DCC: variants seen among roughly 807,000 people sequenced by gnomAD.
The protein encoded by DCC is DCC netrin 1 receptor.
A neutral mutation model predicts 172.5 loss-of-function variants in DCC; 58 were observed. The ratio of observed to expected loss-of-function variants is 0.34; its 90% CI spans 0.27 to 0.42. The LOEUF is 0.42. Among genes scored for constraint, DCC ranks in the 10% least tolerant of loss-of-function variants. The pLI, the probability that DCC is intolerant of heterozygous loss-of-function variation, is 1.00. For synonymous variants in DCC, 709 were observed against 644.5 expected (o/e 1.10, Z -1.52); for missense variants, 1,740 against 1,791.0 (o/e 0.97, Z 0.51).
chr18:52,407,646 T>C (rs16954883), intron 1 of DCC, among the ~76,000 whole-genome samples: 5,305 of 152,048 alleles, frequency 0.035, 167 homozygotes, highest in African/African-American at 0.078. Flanking sequence ...TTCTTGCATC[T>C]TCTTCCATCT....
chr18:52,876,279 T>C (rs2039401796), intron 2 of DCC, among the ~76,000 whole-genome samples: 1 of 152,232 alleles, frequency 6.6e-6, no homozygotes, highest in South Asian at 2.1e-4. Flanking sequence ...ACACTCTTGG[T>C]AGCTTTTTCC....
At chr18:52,943,567 T>A (rs189907321) in intron 5 of DCC, among the ~76,000 whole-genome samples, 15 of 152,322 alleles carry the variant, frequency 9.8e-5, no homozygotes, top group Non-Finnish European at 1.9e-4. Flanking sequence ...GAAAGCACTT[T>A]CTGCATCATT....
chr18:53,453,946 G>A (rs2045449918), intron 23 of DCC, among the ~76,000 whole-genome samples: 1 of 152,104 alleles, frequency 6.6e-6, no homozygotes, highest in Non-Finnish European at 1.5e-5. Flanking sequence ...TTAAATTACT[G>A]CAGTTCTTTT....
At chr18:53,132,916 T>A (rs1006658105) in intron 7 of DCC, among the ~76,000 whole-genome samples, 2 of 152,170 alleles carry the variant, frequency 1.3e-5, no homozygotes, top group Non-Finnish European at 1.5e-5. Flanking sequence ...CTTGTAGTCA[T>A]GTTTACAAGC....
intron 2 of DCC, among the ~76,000 whole-genome samples, chr18:52,835,986 A>AGG (rs1398945341): frequency 6.6e-6 from 1 of 152,220 alleles, no homozygotes; most frequent in Admixed American, 6.5e-5. Context: ...TTGACTCACA[A>AGG]GGGAGGCCTC....
intron 1 of DCC, among the ~76,000 whole-genome samples, chr18:52,584,177 A>T (rs563164866): frequency 3.9e-5 from 6 of 152,324 alleles, no homozygotes; most frequent in Admixed American, 1.3e-4. Flanking sequence ...TGAATTCTAC[A>T]CTGTGAAAGA....
At chr18:52,725,924 A>G (rs1487592775) in intron 1 of DCC, among the ~76,000 whole-genome samples, 1 of 152,206 alleles carries the variant, frequency 6.6e-6, no homozygotes, top group Non-Finnish European at 1.5e-5. Context: ...ACACTCTTAC[A>G]CTTTTCAAAA....
chr18:52,940,303 T>G (rs2040441182), intron 5 of DCC, among the ~76,000 whole-genome samples: 1 of 152,094 alleles, frequency 6.6e-6, no homozygotes, highest in Admixed American at 6.6e-5. Flanking sequence ...GGAAGAACAG[T>G]CGAGGCAGAG....
intron 1 of DCC, among the ~76,000 whole-genome samples, chr18:52,457,923 A>G (rs577754268): frequency 6.6e-6 from 1 of 151,918 alleles, no homozygotes; most frequent in Non-Finnish European, 1.5e-5. Context: ...AAACAAACAA[A>G]CAAACAAACA....
intron 25 of DCC, among the ~76,000 whole-genome samples, chr18:53,471,348 GTTA>G (rs2045694321): frequency 6.6e-6 from 1 of 152,080 alleles, no homozygotes. Context: ...GTACAATTAA[GTTA>G]TTATTGACTA....
At chr18:52,824,766 T>C (rs936783250) in intron 2 of DCC, among the ~76,000 whole-genome samples, 1 of 151,508 alleles carries the variant, frequency 6.6e-6, no homozygotes, top group Non-Finnish European at 1.5e-5. Context: ...AGGTCAGGAG[T>C]CCAAGACCAA....
chr18:52,756,984 C>A (rs1300392342), intron 2 of DCC: 1 of 152,100 alleles, frequency 6.6e-6, no homozygotes, highest in Non-Finnish European at 1.5e-5. Context: ...AAATAGGCAA[C>A]AAATCCTGAG....
chr18:53,469,269 A>G (rs1475694932), intron 25 of DCC, among the ~76,000 whole-genome samples: 2 of 152,142 alleles, frequency 1.3e-5, no homozygotes, highest in Non-Finnish European at 2.9e-5. Context: ...GCAGCTCCCC[A>G]ATTCTTACCC....
At chr18:52,472,379 C>T (rs887578387) in intron 1 of DCC, among the ~76,000 whole-genome samples, 1 of 152,180 alleles carries the variant, frequency 6.6e-6, no homozygotes, top group Non-Finnish European at 1.5e-5. Flanking sequence ...AGCTCCTTTA[C>T]TGTCAGTGAT....
intron 5 of DCC, among the ~76,000 whole-genome samples, chr18:52,947,454 T>C (rs2040566158): frequency 6.6e-6 from 1 of 152,122 alleles, no homozygotes; most frequent in East Asian, 1.9e-4. Flanking sequence ...TAGTTGGACT[T>C]GAGGGGTAGT....
At chr18:53,036,333 C>T (rs886231513) in intron 5 of DCC, among the ~76,000 whole-genome samples, 1 of 151,946 alleles carries the variant, frequency 6.6e-6, no homozygotes, top group African/African-American at 2.4e-5. Flanking sequence ...GCAAAATTTG[C>T]ACTTTCTTAT....
chr18:53,243,172 C>T (rs1412335601), intron 12 of DCC, among the ~76,000 whole-genome samples: 5 of 152,122 alleles, frequency 3.3e-5, no homozygotes, highest in African/African-American at 1.2e-4. Context: ...AAGGAAATGT[C>T]GCTTGAGCTA....
chr18:52,864,022 T>TA lies in DCC; in HGVS notation c.413-42020dup, dbSNP rs370902207. On this transcript the variant is annotated intron_variant, in intron 2 of 28. Transcript: ENST00000442544. ...TACTTAAATTATGAGTGGTCATTTA[T>TA]AAGTCAATTTGCTACCAGGTAGACA... Among the ~76,000 whole-genome samples the TA allele has an allele frequency of 7.1e-3, 1,075 of 152,268 alleles. 5 individuals are homozygous for TA. The highest frequency in any genetic ancestry group is 0.011 in the Non-Finnish European group (741 of 67,976).
chr18:52,371,599 G>A (rs1437723953), intron 1 of DCC, among the ~76,000 whole-genome samples: 1 of 152,048 alleles, frequency 6.6e-6, no homozygotes, highest in African/African-American at 2.4e-5. Context: ...TAGCAGCCCC[G>A]GGAAGAAGGC....
Sources: allele counts gnomAD v4.1 joint callset (sites outside exome capture counted in the v4.1 genomes callset), GRCh38; gene constraint gnomAD v4.1.1; transcripts MANE v1.5; gene names NCBI Gene and HGNC (gene_info 2026-07-23, HGNC 2026-07-21).